The following CNTN1 variants were observed in gnomAD, a reference collection of about 807,000 sequenced individuals.
The protein encoded by CNTN1 is contactin-1.
CNTN1 carries 38 observed loss-of-function variants against 126.4 expected under a neutral mutation model. The ratio of observed to expected loss-of-function variants is 0.30; its 90% CI spans 0.23 to 0.39. The LOEUF (loss-of-function observed/expected upper bound fraction) is 0.39, where lower values mean the gene tolerates loss of function less well. CNTN1 is among the 10% of genes least tolerant of loss of function. The probability of loss-of-function intolerance (pLI) is 1.00; values close to 1 mark genes in which losing one functional copy is unlikely to be tolerated. For synonymous variants in CNTN1, 413 were observed against 422.6 expected (o/e 0.98, Z 0.28); for missense variants, 1,009 against 1,248.4 (o/e 0.81, Z 2.89).
intron 1 of CNTN1, among the ~76,000 whole-genome samples, chr12:40,715,398 G>A (rs922563211): frequency 3.3e-5 from 5 of 151,996 alleles, no homozygotes; most frequent in Admixed American, 6.6e-5. Context: ...AAACAGATTC[G>A]TTTATGCATA....
At chr12:41,052,616 A>G (rs1415075233) in intron 23 of CNTN1, among the ~76,000 whole-genome samples, 4 of 152,064 alleles carry the variant, frequency 2.6e-5, no homozygotes, top group African/African-American at 9.7e-5. Context: ...GTCTTTTTAG[A>G]ATGAAGTAGC....
At chr12:40,829,185 T>C (rs924528324) in intron 1 of CNTN1, among the ~76,000 whole-genome samples, 1 of 152,122 alleles carries the variant, frequency 6.6e-6, no homozygotes, top group Non-Finnish European at 1.5e-5. Flanking sequence ...AATTAATAAA[T>C]ATAAAGCAAG....
At chr12:41,053,849 T>A (rs1949741091) in intron 23 of CNTN1, among the ~76,000 whole-genome samples, 1 of 151,772 alleles carries the variant, frequency 6.6e-6, no homozygotes, top group African/African-American at 2.4e-5. Context: ...TACCCATTTT[T>A]AAAATAAATA....
At chr12:40,712,601 CCTAACGTGTAA>C (rs1157503202) in intron 1 of CNTN1, among the ~76,000 whole-genome samples, 2 of 151,944 alleles carry the variant, frequency 1.3e-5, no homozygotes, top group African/African-American at 4.8e-5. Context: ...AACCCCATAG[CCTAACGTGTAA>C]CTGGCCCAGT....
At chr12:40,898,710 T>C (rs1944500178) in intron 1 of CNTN1, among the ~76,000 whole-genome samples, 1 of 152,168 alleles carries the variant, frequency 6.6e-6, no homozygotes, top group Non-Finnish European at 1.5e-5. Flanking sequence ...GTACCTTCCA[T>C]GTTGACGTCT....
At chr12:41,062,092 A>G (rs1256786219) in intron 23 of CNTN1, among the ~76,000 whole-genome samples, 1 of 152,198 alleles carries the variant, frequency 6.6e-6, no homozygotes, top group Non-Finnish European at 1.5e-5. Context: ...AACCCATTTT[A>G]TTTTCTGATT....
At chr12:40,925,529 TTGTGTG>T (rs34980396) in intron 6 of CNTN1, among the ~76,000 whole-genome samples, 1 of 141,274 alleles carries the variant, frequency 7.1e-6, no homozygotes, top group East Asian at 2.1e-4. Context: ...CCACATGAAA[TTGTGTG>T]TGTGTGTGTG....
chr12:40,730,770 A>C (rs1483352586), intron 1 of CNTN1, among the ~76,000 whole-genome samples: 1 of 152,204 alleles, frequency 6.6e-6, no homozygotes, highest in Non-Finnish European at 1.5e-5. Flanking sequence ...GTTTTAAAAT[A>C]GTTATAATAA....
chr12:40,860,542 A>G (rs1943079962), intron 1 of CNTN1, among the ~76,000 whole-genome samples: 1 of 151,198 alleles, frequency 6.6e-6, no homozygotes, highest in Non-Finnish European at 1.5e-5. Context: ...GGCTCCCACG[A>G]CATCTTACAC....
At chr12:41,013,239 T>C (rs910795981) in intron 17 of CNTN1, among the ~76,000 whole-genome samples, 3 of 152,156 alleles carry the variant, frequency 2.0e-5, no homozygotes, top group Non-Finnish European at 2.9e-5. Flanking sequence ...TGTCTGCTTC[T>C]TACTGTACAT....
At chr12:40,733,368 G>T (rs1255248215) in intron 1 of CNTN1, among the ~76,000 whole-genome samples, 2 of 151,526 alleles carry the variant, frequency 1.3e-5, no homozygotes, top group African/African-American at 4.8e-5. Flanking sequence ...TTAAAAGTCA[G>T]ATTTTTTTTC....
intron 15 of CNTN1, among the ~76,000 whole-genome samples, chr12:40,963,091 C>T (rs1344769492): frequency 1.3e-5 from 2 of 151,986 alleles, no homozygotes; most frequent in Non-Finnish European, 2.9e-5. Flanking sequence ...AGGATTCTAA[C>T]AAATTTAGAT....
chr12:40,949,838 A>G lies in CNTN1; in HGVS notation c.1683+5668A>G, dbSNP rs1053672100. On this transcript the variant is annotated intron_variant, in intron 14 of 23. Transcript: ENST00000551295. ...TGATCCACCCGCCTCGGCCTCCCAAAGCACTGGGGTTACAGGCATGAGCCA... is the reference window on the plus strand; with the variant it reads ...TGATCCACCCGCCTCGGCCTCCCAAGGCACTGGGGTTACAGGCATGAGCCA... 3.3e-5 allele frequency among the ~76,000 whole-genome samples: 5 copies of G among 151,698 alleles called. No individual in the cohort carries two copies. The East Asian group carries it at 9.7e-4, about 29-fold the overall frequency.
Position 40,937,641 on chromosome 12 carries a change from A to C in CNTN1, c.1182A>C (p.Glu394Asp). The change falls in exon 11 of 24, where the codon GAA (glutamate) becomes GAC (aspartate). Residue 394 changes from glutamate to aspartate, a missense_variant. Physicochemically the swap from Glu to Asp is conservative, Grantham distance 45. Coordinates refer to ENST00000551295, the MANE Select transcript of CNTN1 (RefSeq NM_001843.4). Reference sequence around the variant, plus strand: ...CCGGAATGTATCAGTGCATAGCTGAAAACACATATGGAGCCATTTATGCAA... The same window carrying C: ...CCGGAATGTATCAGTGCATAGCTGACAACACATATGGAGCCATTTATGCAA... Reference protein sequence around the residue: ...ENAGMYQCIAENTYGAIYANA... With the variant: ...ENAGMYQCIADNTYGAIYANA... 6.2e-7 allele frequency: 1 copy of C among 1,613,072 alleles called. No homozygotes were observed. The highest frequency in any genetic ancestry group is 8.5e-7 in the Non-Finnish European group (1 of 1,179,178).
chr12:40,953,291 A>T (rs544583712), intron 14 of CNTN1, among the ~76,000 whole-genome samples: 2 of 152,224 alleles, frequency 1.3e-5, no homozygotes, highest in East Asian at 3.9e-4. Flanking sequence ...GAATTTTGTA[A>T]TTGAGCCAAG....
intron 1 of CNTN1, among the ~76,000 whole-genome samples, chr12:40,748,302 T>G (rs1938265185): frequency 6.6e-6 from 1 of 152,084 alleles, no homozygotes; most frequent in Non-Finnish European, 1.5e-5. Context: ...ACATAAAAAT[T>G]CATCATTAAT....
intron 1 of CNTN1, among the ~76,000 whole-genome samples, chr12:40,853,743 T>C (rs1039756172): frequency 6.6e-6 from 1 of 151,936 alleles, no homozygotes; most frequent in African/African-American, 2.4e-5. Flanking sequence ...GGCTATAGCT[T>C]TGATATCAGG....
intron 14 of CNTN1, among the ~76,000 whole-genome samples, chr12:40,950,918 C>CATAT (rs370455342): frequency 1.3e-4 from 20 of 150,268 alleles, no homozygotes; most frequent in African/African-American, 4.2e-4. Context: ...TGGAATTAAG[C>CATAT]ATATATATAT....
At chr12:41,043,115 A>G (rs1390420030) in intron 23 of CNTN1, among the ~76,000 whole-genome samples, 2 of 152,344 alleles carry the variant, frequency 1.3e-5, no homozygotes, top group Admixed American at 6.5e-5. Flanking sequence ...CTAAAACACC[A>G]AAAGCAATGG....
Sources: allele counts gnomAD v4.1 joint callset (sites outside exome capture counted in the v4.1 genomes callset), GRCh38; gene constraint gnomAD v4.1.1; transcripts MANE v1.5; gene names NCBI Gene and HGNC (gene_info 2026-07-23, HGNC 2026-07-21).